Variants in ARHGAP8 observed in about 807,000 individuals in gnomAD.
ARHGAP8 encodes the protein Rho GTPase activating protein 8.
A neutral mutation model predicts 46.1 loss-of-function variants in ARHGAP8; 62 were observed. That is an observed-to-expected ratio of 1.34 (90% CI 1.10 to 1.66). ARHGAP8 has a LOEUF of 1.66. Among genes scored for constraint, ARHGAP8 ranks in the 40% most tolerant of loss-of-function variants. The pLI is 0.00. For synonymous variants in ARHGAP8, 375 were observed against 243.1 expected (o/e 1.54, Z -5.05); for missense variants, 923 against 568.4 (o/e 1.62, Z -6.34).
chr22:44,754,780 G>A (rs143996150), intron 1 of ARHGAP8, among the ~76,000 whole-genome samples: 19 of 152,194 alleles, frequency 1.2e-4, no homozygotes, highest in African/African-American at 4.3e-4. Flanking sequence ...AGTTAAAGGC[G>A]GCTTCGGTTA....
At chr22:44,780,696 T>A (rs1926782111) in intron 1 of ARHGAP8, among the ~76,000 whole-genome samples, 1 of 152,156 alleles carries the variant, frequency 6.6e-6, no homozygotes, top group Non-Finnish European at 1.5e-5. Flanking sequence ...GTGAAAAGTC[T>A]TTCTTCCACC....
intron 1 of ARHGAP8, among the ~76,000 whole-genome samples, chr22:44,755,738 G>C (rs2146979583): frequency 6.6e-6 from 1 of 152,326 alleles, no homozygotes; most frequent in East Asian, 1.9e-4. Flanking sequence ...TCACCTCTCA[G>C]ATGGGTGTCA....
At chr22:44,859,006 C>T (rs1261597610) in intron 10 of ARHGAP8, among the ~76,000 whole-genome samples, 7 of 151,792 alleles carry the variant, frequency 4.6e-5, no homozygotes, top group Non-Finnish European at 2.9e-5. Context: ...TGGCTGTGTT[C>T]CAAGAAAACG....
chr22:44,793,111 C>T (rs760715044), intron 2 of ARHGAP8, among the ~76,000 whole-genome samples: 2 of 152,104 alleles, frequency 1.3e-5, no homozygotes, highest in African/African-American at 4.8e-5. Context: ...CATGAGCCAC[C>T]GCACCTGGCC....
At chr22:44,780,074 C>G (rs925632372) in intron 1 of ARHGAP8, among the ~76,000 whole-genome samples, 1 of 152,202 alleles carries the variant, frequency 6.6e-6, no homozygotes, top group Non-Finnish European at 1.5e-5. Flanking sequence ...CTTTGAGGAG[C>G]TGGCCGGCAT....
rs538256849 is a variant in ARHGAP8, at chr22:44,857,774, C to T, written c.878-1957C>T. ...CTCCCACATGCAAGCTGTGTGACCT[C>T]GGGCTAGTCACCTAACCTCTCAGAG... is the stretch of plus-strand genomic sequence containing the variant. On this transcript the variant is annotated intron_variant, in intron 10 of 11. Coordinates refer to ENST00000356099, the MANE Select transcript of ARHGAP8 (RefSeq NM_181335.3). Among the ~76,000 whole-genome samples, 33 of 152,096 alleles carry T rather than the reference C, an allele frequency of 2.2e-4. No individual in the cohort carries two copies. The South Asian group carries it at 5.4e-3, about 25-fold the overall frequency.
intron 7 of ARHGAP8, among the ~76,000 whole-genome samples, chr22:44,826,908 C>T (rs1327127951): frequency 6.6e-6 from 1 of 152,102 alleles, no homozygotes; most frequent in Non-Finnish European, 1.5e-5. Context: ...TCTTTCTTGG[C>T]CAAGAGTGGA....
At chr22:44,853,411 A>C (rs1049403645) in intron 10 of ARHGAP8, among the ~76,000 whole-genome samples, 7 of 152,134 alleles carry the variant, frequency 4.6e-5, no homozygotes, top group Non-Finnish European at 8.8e-5. Context: ...ATGCCAACTC[A>C]GGGGGTAGGA....
At chr22:44,852,778 C>T (rs964108707) in intron 10 of ARHGAP8, among the ~76,000 whole-genome samples, 6 of 151,968 alleles carry the variant, frequency 3.9e-5, no homozygotes, top group African/African-American at 9.7e-5. Context: ...CCATAAGTTC[C>T]GGGGATTTTT....
At chr22:44,807,766 T>C in intron 3 of ARHGAP8, among the ~76,000 whole-genome samples, 1 of 152,204 alleles carries the variant, frequency 6.6e-6, no homozygotes, top group East Asian at 1.9e-4. Flanking sequence ...AGCCCTTCCT[T>C]GCCTGTCCAG....
chr22:44,860,443 T>C (rs889294408), intron 11 of ARHGAP8, among the ~76,000 whole-genome samples: 1 of 151,974 alleles, frequency 6.6e-6, no homozygotes, highest in Admixed American at 6.6e-5. Flanking sequence ...TCTGTGTGTG[T>C]GTCTAATCTC....
At chr22:44,790,020 G>A (rs1049623526) in intron 2 of ARHGAP8, among the ~76,000 whole-genome samples, 5 of 152,160 alleles carry the variant, frequency 3.3e-5, no homozygotes, top group Non-Finnish European at 7.3e-5. Context: ...ATTGCAAGAT[G>A]GACATATAGC....
rs1231056853 is a variant in ARHGAP8 at position 44,789,836 on chromosome 22, T to G, written c.79+3230T>G. ...TTATGTCTGGTGATACTGCTTGTCT[T>G]AAAGTCCGATTTTTCTGATACTAAT... is the stretch of plus-strand genomic sequence containing the variant. On this transcript the variant is annotated intron_variant, in intron 2 of 11. Coordinates refer to ENST00000356099, the MANE Select transcript of ARHGAP8 (RefSeq NM_181335.3). Among the ~76,000 whole-genome samples, 6 of 152,274 alleles carry G rather than the reference T, an allele frequency of 3.9e-5. No homozygotes were observed. The South Asian group carries it at 6.2e-4, about 16-fold the overall frequency.
chr22:44,821,070 T>C (rs903280332), intron 5 of ARHGAP8, among the ~76,000 whole-genome samples: 1 of 152,228 alleles, frequency 6.6e-6, no homozygotes, highest in Non-Finnish European at 1.5e-5. Context: ...ACATAAAATA[T>C]CTTCGGTTTG....
chr22:44,838,343 G>C (rs945146388), intron 7 of ARHGAP8, among the ~76,000 whole-genome samples: 1 of 152,116 alleles, frequency 6.6e-6, no homozygotes, highest in Non-Finnish European at 1.5e-5. Flanking sequence ...TCACCATGTT[G>C]GTCAGGCTGG....
intron 1 of ARHGAP8, chr22:44,765,860 T>G (rs739172): frequency 0.46 from 70,601 of 152,230 alleles, 17,512 homozygotes; most frequent in East Asian, 0.81. Context: ...TTCTCACTTT[T>G]CCAGCAGGCA....
intron 10 of ARHGAP8, among the ~76,000 whole-genome samples, chr22:44,855,901 G>A (rs973823167): frequency 2.0e-5 from 3 of 152,202 alleles, no homozygotes; most frequent in African/African-American, 4.8e-5. Flanking sequence ...AGGCTTTATA[G>A]GAAGCACGGT....
rs1212919608 is a variant in ARHGAP8 at position 44,848,007 on chromosome 22, C to G, written c.705C>G (p.Ala235=). 1 of 1,608,242 alleles carries G rather than the reference C, an allele frequency of 6.2e-7. No homozygotes were observed. The highest frequency in any genetic ancestry group is 8.5e-7 in the Non-Finnish European group (1 of 1,179,964). The change falls in exon 9 of 12, where the codon GCC becomes GCG. Residue 235 remains alanine (A), a synonymous_variant. Coordinates refer to ENST00000356099, the MANE Select transcript of ARHGAP8 (RefSeq NM_181335.3). Reference sequence around the variant, plus strand: ...CCGAGGGCCTGTTCCGGAGATCCGCCAGCGTGCAGACCGTCCGCGAGATCC... The same window carrying G: ...CCGAGGGCCTGTTCCGGAGATCCGCGAGCGTGCAGACCGTCCGCGAGATCC... The part of the protein sequence containing the change: ...LRTEGLFRRS[A]SVQTVREIQR...
At chr22:44,827,672 A>C (rs922258679) in intron 7 of ARHGAP8, among the ~76,000 whole-genome samples, 1 of 152,056 alleles carries the variant, frequency 6.6e-6, no homozygotes, top group Non-Finnish European at 1.5e-5. Flanking sequence ...TACCAAGTTG[A>C]CGGTAGTTAC....
Sources: allele counts gnomAD v4.1 joint callset (sites outside exome capture counted in the v4.1 genomes callset), GRCh38; gene constraint gnomAD v4.1.1; transcripts MANE v1.5; gene names NCBI Gene and HGNC (gene_info 2026-07-23, HGNC 2026-07-21).